The following C2orf76 variants were observed in gnomAD, a reference collection of about 807,000 sequenced individuals.
The protein encoded by C2orf76 is chromosome 2 open reading frame 76, also known as UPF0538 protein C2orf76.
C2orf76 carries 23 observed loss-of-function variants against 16.9 expected under a neutral mutation model. The observed-to-expected ratio is 1.36, with a 90% CI of 0.98 to 1.93. The LOEUF (loss-of-function observed/expected upper bound fraction) is 1.93, where lower values mean the gene tolerates loss of function less well. Among genes scored for constraint, C2orf76 ranks in the 30% most tolerant of loss-of-function variants. The probability of loss-of-function intolerance (pLI) is 0.00; values close to 1 mark genes in which losing one functional copy is unlikely to be tolerated. For missense variants in C2orf76, 152 were observed against 152.6 expected (o/e 1.00, Z 0.02); for synonymous variants, 48 against 52.3 (o/e 0.92, Z 0.35).
intron 1 of C2orf76, among the ~76,000 whole-genome samples, chr2:119,361,388 TG>T (rs1680740212): frequency 1.3e-5 from 2 of 152,386 alleles, no homozygotes; most frequent in Non-Finnish European, 2.9e-5. Flanking sequence ...TAGATATGTA[TG>T]TACAGTCAGC....
the C2orf76 span, among the ~76,000 whole-genome samples, chr2:119,283,625 C>A: frequency 6.6e-6 from 1 of 152,230 alleles, no homozygotes; most frequent in South Asian, 2.1e-4. Flanking sequence ...CAGGCGCCCA[C>A]CACCACGCCC....
At chr2:119,360,306 C>T (rs556780012) in intron 1 of C2orf76, among the ~76,000 whole-genome samples, 3 of 151,914 alleles carry the variant, frequency 2.0e-5, no homozygotes, top group Admixed American at 6.5e-5. Context: ...GGTGAAACCC[C>T]GTCTCTACTA....
rs77364370 is a variant in C2orf76, at chr2:119,323,261, T to C, written c.134-2057A>G. Among the ~76,000 whole-genome samples, 52 of 151,418 alleles carry C rather than the reference T, an allele frequency of 3.4e-4. No homozygotes were observed. The East Asian group carries it at 7.2e-3, about 21-fold the overall frequency. ...ATCTAAAATTCCTGGGCTCAAGCAA[T>C]CCTCTCACCTCGCCCCGAAAGTGCT... On this transcript the variant is annotated intron_variant, in intron 2 of 5. Coordinates refer to ENST00000334816, the MANE Select transcript of C2orf76 (RefSeq NM_001322331.2).
At chr2:119,331,801 A>G (rs115863986) in intron 2 of C2orf76, among the ~76,000 whole-genome samples, 1,850 of 152,104 alleles carry the variant, frequency 0.012, 50 homozygotes, top group Non-Finnish European at 0.013. Context: ...CCCTGGTCCC[A>G]CTCCATCTTG....
chr2:119,304,521 A>G (rs886697760), intron 5 of C2orf76, among the ~76,000 whole-genome samples: 1 of 152,242 alleles, frequency 6.6e-6, no homozygotes, highest in African/African-American at 2.4e-5. Flanking sequence ...TACATAAGGC[A>G]TTTATGCTAG....
rs527759988 is a variant in C2orf76 at position 119,355,065 on chromosome 2, T to A, written c.-13+11725A>T. On this transcript the variant is annotated intron_variant, in intron 1 of 5. Transcript: ENST00000334816. Reference sequence around the variant, plus strand: ...TGGAGCAAATACACAAAACCATAATTCGTTTTCTCTGCTCAAGATATGCAA... The same window carrying A: ...TGGAGCAAATACACAAAACCATAATACGTTTTCTCTGCTCAAGATATGCAA... Among the ~76,000 whole-genome samples, 3 of 152,292 alleles carry A rather than the reference T, an allele frequency of 2.0e-5. No individual in the cohort carries two copies. In the South Asian group the frequency reaches 6.2e-4, roughly 32 times the overall value.
At chr2:119,292,861 T>C in the C2orf76 span, among the ~76,000 whole-genome samples, 3 of 151,716 alleles carry the variant, frequency 2.0e-5, no homozygotes, top group Middle Eastern at 3.4e-3. Context: ...ATAGTGAAAC[T>C]CTGCCTCTAC....
the C2orf76 span, among the ~76,000 whole-genome samples, chr2:119,286,190 C>T: frequency 1.4e-5 from 2 of 145,906 alleles, no homozygotes; most frequent in East Asian, 4.0e-4. Flanking sequence ...CATGCCGCCG[C>T]ACTCCAGCCT....
chr2:119,366,670 C>A, intron 1 of C2orf76, 120 bp downstream of exon 1: 1 of 446,896 alleles, frequency 2.2e-6, no homozygotes, highest in South Asian at 2.0e-5. Context: ...GACCTCCGTT[C>A]TTCGGTCTCC....
Position 119,309,398 on chromosome 2 carries a change from C to CTTTTTT in C2orf76, c.304+2218_304+2223dup, listed in dbSNP as rs1193022536. 5.4e-3 allele frequency among the ~76,000 whole-genome samples: 383 copies of CTTTTTT among 71,386 alleles called. 1 individual carries two copies. Among genetic ancestry groups the CTTTTTT allele is most frequent in the Middle Eastern group, 0.024 (2 of 82 alleles). The allele number at this position is 71,386 out of a possible 152,430, so 46.8% of individuals were successfully genotyped here. On this transcript the variant is annotated intron_variant, in intron 5 of 5. Transcript: ENST00000334816. The stretch of plus-strand genomic sequence containing the variant: ...GTAACTTTTCTTTTTTTCTCTTTTT[C>CTTTTTT]TTTTTTTTTTTTTTTTTTTTTTTTT...
chr2:119,330,452 T>A (rs1679641452), intron 2 of C2orf76, among the ~76,000 whole-genome samples: 1 of 152,182 alleles, frequency 6.6e-6, no homozygotes, highest in Non-Finnish European at 1.5e-5. Flanking sequence ...CCTTTTTATG[T>A]AATGTGTTCT....
chr2:119,286,341 T>G, the C2orf76 span, among the ~76,000 whole-genome samples: 1 of 150,180 alleles, frequency 6.7e-6, no homozygotes, highest in African/African-American at 2.5e-5. Context: ...GGCTGTGAAG[T>G]GCTGGGAAGG....
chr2:119,350,103 T>C (rs961274201), intron 1 of C2orf76, among the ~76,000 whole-genome samples: 24 of 132,786 alleles, frequency 1.8e-4, no homozygotes, highest in African/African-American at 6.7e-4. Flanking sequence ...CGTAAGTGTT[T>C]GTAGAACTAA....
chr2:119,291,938 TGA>T, the C2orf76 span, among the ~76,000 whole-genome samples: 2 of 152,040 alleles, frequency 1.3e-5, no homozygotes, highest in Non-Finnish European at 2.9e-5. Flanking sequence ...AGCCAGAAAC[TGA>T]GACCTGGAGA....
intron 1 of C2orf76, among the ~76,000 whole-genome samples, chr2:119,348,046 C>CAAAAAAAAAAAAAAAAA (rs1205382710): frequency 1.2e-5 from 1 of 81,988 alleles, no homozygotes; most frequent in African/African-American, 4.7e-5. Flanking sequence ...GGCTCTGTCT[C>CAAAAAAAAAAAAAAAAA]AAAAAAAAAA....
chr2:119,352,182 C>T (rs1405343401), intron 1 of C2orf76, among the ~76,000 whole-genome samples: 1 of 152,164 alleles, frequency 6.6e-6, no homozygotes, highest in African/African-American at 2.4e-5. Context: ...ATGCTTATGA[C>T]CAGAATTTTA....
chr2:119,304,599 C>G (rs566658643), intron 5 of C2orf76, among the ~76,000 whole-genome samples: 12 of 152,256 alleles, frequency 7.9e-5, no homozygotes, highest in South Asian at 6.2e-4. Flanking sequence ...TTCAGGAAAT[C>G]TAGGTAAACA....
At chr2:119,293,121 G>A in the C2orf76 span, among the ~76,000 whole-genome samples, 1 of 152,208 alleles carries the variant, frequency 6.6e-6, no homozygotes, top group South Asian at 2.1e-4. Flanking sequence ...ATCCCTGCTG[G>A]CCTATGAAGT....
intron 2 of C2orf76, among the ~76,000 whole-genome samples, chr2:119,336,863 C>A (rs991443857): frequency 1.3e-5 from 2 of 152,022 alleles, no homozygotes; most frequent in African/African-American, 2.4e-5. Flanking sequence ...TTCAAAGACC[C>A]TTTTGACACG....
Sources: allele counts gnomAD v4.1 joint callset (sites outside exome capture counted in the v4.1 genomes callset), GRCh38; gene constraint gnomAD v4.1.1; transcripts MANE v1.5; gene names NCBI Gene and HGNC (gene_info 2026-07-23, HGNC 2026-07-21).